OXSR1: variants seen among roughly 807,000 people sequenced by gnomAD.
OXSR1 encodes the protein serine/threonine-protein kinase OSR1.
OXSR1 carries 24 observed loss-of-function variants against 79.8 expected under a neutral mutation model. The ratio of observed to expected loss-of-function variants is 0.30; its 90% CI spans 0.22 to 0.42. The LOEUF (loss-of-function observed/expected upper bound fraction) is 0.42. OXSR1 is among the 10% of genes least tolerant of loss of function. The pLI, the probability that OXSR1 is intolerant of heterozygous loss-of-function variation, is 1.00. For synonymous variants in OXSR1, 226 were observed against 209.2 expected (o/e 1.08, Z -0.69); for missense variants, 430 against 618.4 (o/e 0.70, Z 3.23).
intron 5 of OXSR1, among the ~76,000 whole-genome samples, chr3:38,217,356 A>G (rs1489571865): frequency 6.6e-6 from 1 of 152,200 alleles, no homozygotes; most frequent in Non-Finnish European, 1.5e-5. Flanking sequence ...ACAGTTGAAG[A>G]TATGCATACT....
At chr3:38,190,218 T>TGGCTCAGATTTC (rs1304968848) in intron 2 of OXSR1, among the ~76,000 whole-genome samples, 2 of 152,204 alleles carry the variant, frequency 1.3e-5, no homozygotes, top group African/African-American at 4.8e-5. Flanking sequence ...GCTTAGATTT[T>TGGCTCAGATTTC]TGGCTCAGAT....
At chr3:38,195,289 T>C (rs1289747408) in intron 3 of OXSR1, among the ~76,000 whole-genome samples, 1 of 152,210 alleles carries the variant, frequency 6.6e-6, no homozygotes, top group Non-Finnish European at 1.5e-5. Context: ...ATTCACTGTC[T>C]TAGATGGTTG....
At chr3:38,191,168 C>T (rs1295115042) in intron 3 of OXSR1, among the ~76,000 whole-genome samples, 1 of 152,124 alleles carries the variant, frequency 6.6e-6, no homozygotes, top group Non-Finnish European at 1.5e-5. Flanking sequence ...ATCTCAGCCT[C>T]CCAAGTAGCT....
intron 4 of OXSR1, among the ~76,000 whole-genome samples, chr3:38,204,727 C>G (rs774672035): frequency 1.5e-4 from 23 of 151,542 alleles, no homozygotes; most frequent in Non-Finnish European, 2.8e-4. Context: ...CTCCTCTCTT[C>G]AAGCAGAAGA....
At chr3:38,192,906 C>T (rs1054814046) in intron 3 of OXSR1, among the ~76,000 whole-genome samples, 3 of 152,290 alleles carry the variant, frequency 2.0e-5, no homozygotes, top group East Asian at 3.9e-4. Context: ...TGTAGAGTTA[C>T]AGAAAAGATA....
intron 1 of OXSR1, 136 bp downstream of exon 1, chr3:38,166,082 A>G (rs962733472): frequency 1.1e-5 from 8 of 741,148 alleles, no homozygotes; most frequent in Admixed American, 8.7e-5. Context: ...GGGGGCTTGT[A>G]GGACGCTTGT....
chr3:38,194,612 G>A (rs1169741220), intron 3 of OXSR1, among the ~76,000 whole-genome samples: 3 of 152,152 alleles, frequency 2.0e-5, no homozygotes, highest in South Asian at 2.1e-4. Context: ...ACTGGGGAAA[G>A]ATGGGAGATG....
chr3:38,252,452 A>G lies in OXSR1; in HGVS notation c.1509+60A>G, dbSNP rs955137939. On this transcript the variant is annotated intron_variant, in intron 17 of 17. Transcript: ENST00000311806. ...CCTTTTATACACTGGCAGCTTCTCC[A>G]GACCAGCTTCTATATCCCCTGAGTG... The G allele has an allele frequency of 4.6e-6, 5 of 1,092,984 alleles. No homozygotes were observed. In the African/African-American group the frequency reaches 7.7e-5, roughly 17 times the overall value. 67.7% of individuals were successfully genotyped at this position (1,092,984 alleles called of 1,614,324 possible).
In OXSR1 at chr3:38,212,284, A is replaced by G. The variant is rs35103039; in HGVS notation, c.435-3812A>G. On this transcript the variant is annotated intron_variant, in intron 4 of 17. Transcript: ENST00000311806. ...ATGTCTTGCTACTTCTCGTATCTTC[A>G]AAGTCCATTTGTGATTTCAAGTGGA... Among the ~76,000 whole-genome samples the G allele has an allele frequency of 1.3e-3, 192 of 152,324 alleles. 6 individuals carry two copies. In the East Asian group the frequency reaches 0.036, roughly 29 times the overall value.
intron 4 of OXSR1, among the ~76,000 whole-genome samples, 180 bp downstream of exon 4, chr3:38,199,043 A>C (rs11719909): frequency 1.3e-5 from 2 of 152,238 alleles, no homozygotes; most frequent in Admixed American, 1.3e-4. Context: ...GTAAAACCAG[A>C]CAATATAAAA....
intron 12 of OXSR1, among the ~76,000 whole-genome samples, chr3:38,244,249 G>A (rs964224540): frequency 6.6e-6 from 1 of 151,948 alleles, no homozygotes; most frequent in South Asian, 2.1e-4. Flanking sequence ...ATATTCTCAT[G>A]CTCATTACTT....
chr3:38,170,336 G>A (rs1396598575), intron 1 of OXSR1, among the ~76,000 whole-genome samples: 3 of 152,092 alleles, frequency 2.0e-5, no homozygotes, highest in African/African-American at 7.2e-5. Context: ...GTGAGCCCCC[G>A]CGCCTGGCCT....
intron 1 of OXSR1, among the ~76,000 whole-genome samples, chr3:38,166,346 G>A (rs1366821338): frequency 6.6e-6 from 1 of 152,108 alleles, no homozygotes; most frequent in Non-Finnish European, 1.5e-5. Context: ...GATAGATAGG[G>A]AGCTTTAAGT....
chr3:38,243,325 C>G (rs369615649), intron 12 of OXSR1, among the ~76,000 whole-genome samples: 3 of 152,124 alleles, frequency 2.0e-5, no homozygotes, highest in Admixed American at 6.6e-5. Flanking sequence ...CCAATGTGCC[C>G]TGCTGAAAAG....
chr3:38,250,331 C>G (rs570533974), intron 15 of OXSR1, among the ~76,000 whole-genome samples: 19 of 152,270 alleles, frequency 1.2e-4, no homozygotes, highest in African/African-American at 4.6e-4. Flanking sequence ...TTATTATCCC[C>G]ATAGTATCGA....
intron 2 of OXSR1, among the ~76,000 whole-genome samples, chr3:38,185,681 G>A (rs180988636): frequency 8.9e-4 from 135 of 152,126 alleles, no homozygotes; most frequent in Non-Finnish European, 2.6e-4. Context: ...GGTTGCTCAC[G>A]CCTGTAATCC....
At chr3:38,192,840 G>GT (rs1702007787) in intron 3 of OXSR1, among the ~76,000 whole-genome samples, 1 of 152,176 alleles carries the variant, frequency 6.6e-6, no homozygotes, top group Non-Finnish European at 1.5e-5. Flanking sequence ...CACTGTGCTG[G>GT]TTGGTTTTTG....
chr3:38,188,632 A>G (rs1490806558), intron 2 of OXSR1, among the ~76,000 whole-genome samples: 1 of 152,138 alleles, frequency 6.6e-6, no homozygotes, highest in Non-Finnish European at 1.5e-5. Context: ...ATATAGTTAA[A>G]CCTTTGATAT....
At chr3:38,251,295 G>T (rs1170210918) in intron 15 of OXSR1, 108 bp from the exon 16 acceptor site, 1 of 828,586 alleles carries the variant, frequency 1.2e-6, no homozygotes, top group Non-Finnish European at 2.1e-6. Flanking sequence ...TGTGGATTTA[G>T]CATCCAGCTT....
Sources: allele counts gnomAD v4.1 joint callset (sites outside exome capture counted in the v4.1 genomes callset), GRCh38; gene constraint gnomAD v4.1.1; transcripts MANE v1.5; gene names NCBI Gene and HGNC (gene_info 2026-07-23, HGNC 2026-07-21).